UTS2B: variants seen among roughly 807,000 people sequenced by gnomAD.
The protein encoded by UTS2B is urotensin-2B.
UTS2B carries 21 observed loss-of-function variants against 19.2 expected under a neutral mutation model. That is an observed-to-expected ratio of 1.09 (90% CI 0.78 to 1.58). The LOEUF (loss-of-function observed/expected upper bound fraction) is 1.58. Ranked by LOEUF, UTS2B falls within the 40% of genes most tolerant of loss-of-function variation. The probability of loss-of-function intolerance (pLI) is 0.00; values close to 1 mark genes in which losing one functional copy is unlikely to be tolerated. For missense variants in UTS2B, 138 were observed against 130.3 expected (o/e 1.06, Z -0.29); for synonymous variants, 57 against 50.2 (o/e 1.14, Z -0.58).
intron 3 of UTS2B, among the ~76,000 whole-genome samples, chr3:191,310,592 C>G (rs1034317422): frequency 1.3e-5 from 2 of 152,188 alleles, no homozygotes; most frequent in Admixed American, 1.3e-4. Context: ...GAGTAATGAA[C>G]TGTCATTTGT....
chr3:191,289,107 T>G (rs1716635177), intron 4 of UTS2B, among the ~76,000 whole-genome samples: 2 of 151,996 alleles, frequency 1.3e-5, no homozygotes, highest in South Asian at 4.1e-4. Context: ...CCCACTACTG[T>G]TTATATATCT....
In UTS2B at chr3:191,268,390, C is replaced by CT. The variant is rs771807888; in HGVS notation, c.*25dup. On this transcript the variant is annotated 3_prime_UTR_variant, in exon 9 of 9. Coordinates refer to ENST00000340524, the MANE Select transcript of UTS2B (RefSeq NM_198152.5). ...ACATATATTTTCCTGATATTCTTAT[C>CT]TTTTTTTGCATCCAGAGAAAAAGCT... The CT allele has an allele frequency of 1.7e-5, 27 of 1,545,234 alleles. No homozygotes were observed. Among genetic ancestry groups the CT allele is most frequent in the East Asian group, 4.6e-5 (2 of 43,898 alleles).
chr3:191,285,605 C>T (rs191972145), intron 4 of UTS2B, among the ~76,000 whole-genome samples: 7 of 152,124 alleles, frequency 4.6e-5, no homozygotes, highest in Admixed American at 2.6e-4. Context: ...TAAAAATATA[C>T]ATAAGTTCAA....
chr3:191,286,675 T>C (rs1716552511), intron 4 of UTS2B, among the ~76,000 whole-genome samples: 1 of 149,554 alleles, frequency 6.7e-6, no homozygotes, highest in East Asian at 2.0e-4. Context: ...AAAGAAAAGA[T>C]CCCAAATAAA....
Position 191,275,251 on chromosome 3 carries a change from C to G in UTS2B, c.334+1G>C. ...CTTAAAACCTTGAAATGAAAGCTTA[C>G]CTCGTTTGCTAGGATGAGAAGAGAA... On this transcript the variant is annotated splice_donor_variant, in intron 8 of 8. Coordinates refer to ENST00000340524, the MANE Select transcript of UTS2B (RefSeq NM_198152.5). LOFTEE classifies it high-confidence loss of function. 1 of 1,597,430 alleles carries G rather than the reference C, an allele frequency of 6.3e-7. No individual in the cohort carries two copies. Among genetic ancestry groups the G allele is most frequent in the Non-Finnish European group, 8.5e-7 (1 of 1,169,670 alleles).
At chr3:191,302,964 C>A (rs1422887705) in intron 4 of UTS2B, among the ~76,000 whole-genome samples, 2 of 152,104 alleles carry the variant, frequency 1.3e-5, no homozygotes, top group Non-Finnish European at 2.9e-5. Context: ...GTCATGAGGC[C>A]CCTCCTTACA....
intron 4 of UTS2B, among the ~76,000 whole-genome samples, chr3:191,302,579 C>T (rs1444688487): frequency 6.6e-6 from 1 of 152,186 alleles, no homozygotes; most frequent in African/African-American, 2.4e-5. Flanking sequence ...CCTGTGACAC[C>T]TGTATAATTT....
intron 4 of UTS2B, among the ~76,000 whole-genome samples, chr3:191,297,059 T>G (rs1483892969): frequency 1.3e-5 from 2 of 152,156 alleles, no homozygotes; most frequent in Non-Finnish European, 2.9e-5. Flanking sequence ...AAAAAAACCT[T>G]TTCTTTAAAT....
At chr3:191,329,264 G>A (rs1041974752) in intron 1 of UTS2B, 11 of 183,158 alleles carry the variant, frequency 6.0e-5, no homozygotes, top group Non-Finnish European at 1.1e-4. Context: ...ACAGCGAGGC[G>A]GCAGCGGGCG....
chr3:191,271,226 A>T, intron 8 of UTS2B, among the ~76,000 whole-genome samples: 1 of 143,828 alleles, frequency 7.0e-6, no homozygotes, highest in African/African-American at 2.5e-5. Context: ...AAAAAAAAAA[A>T]GAGGTATCAA....
chr3:191,276,794 T>C lies in UTS2B; in HGVS notation c.240+13A>G. ...TTATTAAAACTGCTCATTTAAGTAT[T>C]TCACATTCTCACCTGGTTAAGTTCT... On this transcript the variant is annotated intron_variant, in intron 7 of 8. Coordinates refer to ENST00000340524, the MANE Select transcript of UTS2B (RefSeq NM_198152.5). 6.2e-7 allele frequency: 1 copy of C among 1,609,300 alleles called. No homozygotes were observed. Among genetic ancestry groups the C allele is most frequent in the East Asian group, 2.2e-5 (1 of 44,696 alleles).
chr3:191,301,537 A>G (rs1293672095), intron 4 of UTS2B, among the ~76,000 whole-genome samples: 1 of 126,954 alleles, frequency 7.9e-6, no homozygotes, highest in East Asian at 2.4e-4. Context: ...CCCAGGCTGG[A>G]GTGCAGTGGT....
At chr3:191,294,391 A>G (rs1716803130) in intron 4 of UTS2B, among the ~76,000 whole-genome samples, 1 of 151,930 alleles carries the variant, frequency 6.6e-6, no homozygotes. Context: ...TTTGTAAGAA[A>G]AAAAACTCTC....
chr3:191,289,530 G>A (rs1716657113), intron 4 of UTS2B, among the ~76,000 whole-genome samples: 1 of 151,938 alleles, frequency 6.6e-6, no homozygotes, highest in African/African-American at 2.4e-5. Context: ...ATTGAATCAA[G>A]CTATGTCTAT....
chr3:191,275,312 TCTC>T lies in UTS2B; in HGVS notation c.271_273del (p.Glu91del). The T allele has an allele frequency of 6.2e-7, 1 of 1,613,732 alleles. No homozygotes were observed. Among genetic ancestry groups the T allele is most frequent in the Non-Finnish European group, 8.5e-7 (1 of 1,179,734 alleles). ...ACAGCATAGGACGTCTCAGAATCCT[TCTC>T]CTCCACTAGCTGTTCTTTTAGCTTT... is the stretch of plus-strand genomic sequence containing the variant. On this transcript the variant is annotated inframe_deletion, in exon 8 of 9. Transcript: ENST00000340524.
intron 1 of UTS2B, chr3:191,329,527 GC>G: frequency 1.5e-6 from 1 of 661,058 alleles, no homozygotes; most frequent in Non-Finnish European, 2.4e-6. Context: ...GCCCCTGCCC[GC>G]CCGACCCGCT....
chr3:191,310,723 A>G (rs1455060742), intron 3 of UTS2B, among the ~76,000 whole-genome samples: 1 of 117,238 alleles, frequency 8.5e-6, no homozygotes, highest in African/African-American at 2.9e-5. Context: ...CTGATATAGT[A>G]GCAATGATCA....
upstream of UTS2B, among the ~76,000 whole-genome samples, chr3:191,334,641 T>A (rs759615887): frequency 3.3e-5 from 5 of 152,166 alleles, no homozygotes; most frequent in Non-Finnish European, 7.4e-5. Context: ...AGTAGTTGCT[T>A]ACACAGCTTA....
At chr3:191,284,006 A>T (rs1026217386) in intron 4 of UTS2B, among the ~76,000 whole-genome samples, 1 of 152,180 alleles carries the variant, frequency 6.6e-6, no homozygotes, top group Admixed American at 6.5e-5. Flanking sequence ...AAATATGATG[A>T]AAGATTGTAT....
Sources: allele counts gnomAD v4.1 joint callset (sites outside exome capture counted in the v4.1 genomes callset), GRCh38; gene constraint gnomAD v4.1.1; transcripts MANE v1.5; gene names NCBI Gene and HGNC (gene_info 2026-07-23, HGNC 2026-07-21).